ME2: variants seen among roughly 807,000 people sequenced by gnomAD.
ME2 encodes malic enzyme 2, also known as NAD-dependent malic enzyme, mitochondrial.
ME2 carries 60 observed loss-of-function variants against 73.7 expected under a neutral mutation model. That is an observed-to-expected ratio of 0.81 (90% CI 0.66 to 1.01). The LOEUF (loss-of-function observed/expected upper bound fraction) is 1.01, where lower values mean the gene tolerates loss of function less well. Ranked by LOEUF, ME2 falls within the 50% of genes least tolerant of loss-of-function variation. ME2 has a pLI of 0.00. For missense variants in ME2, 594 were observed against 705.5 expected, an observed-to-expected ratio of 0.84 and a Z score of 1.79; for synonymous variants, 199 against 236.9, an observed-to-expected ratio of 0.84 and a Z score of 1.47.
At chr18:50,919,056 G>A (rs1367989152) in intron 7 of ME2, among the ~76,000 whole-genome samples, 1 of 62,872 alleles carries the variant, frequency 1.6e-5, no homozygotes, top group East Asian at 4.4e-4. Flanking sequence ...TGCCTTCTCC[G>A]TCAGTCAGAT....
At chr18:50,895,194 G>A (rs1916708395) in intron 1 of ME2, among the ~76,000 whole-genome samples, 1 of 151,978 alleles carries the variant, frequency 6.6e-6, no homozygotes, top group Non-Finnish European at 1.5e-5. Context: ...CTTTAAAAAT[G>A]TCCATGTTTA....
intron 4 of ME2, chr18:50,915,922 C>A: frequency 3.1e-6 from 1 of 320,058 alleles, no homozygotes. Context: ...GATGTGGTTA[C>A]ATTTCTTCTT....
At chr18:50,901,212 G>A (rs9675349) in intron 2 of ME2, among the ~76,000 whole-genome samples, 29 of 152,294 alleles carry the variant, frequency 1.9e-4, no homozygotes, top group African/African-American at 6.0e-4. Flanking sequence ...CCGTATTGAG[G>A]TTAAGGGAAT....
Position 50,951,214 on chromosome 18 carries a change from G to GT in ME2, c.*4031dup, listed in dbSNP as rs1918216900. 1 of 152,056 alleles carries GT rather than the reference G, an allele frequency of 6.6e-6. No individual in the cohort carries two copies. Among genetic ancestry groups the GT allele is most frequent in the Admixed American group, 6.6e-5 (1 of 15,250 alleles). 9.4% of individuals were successfully genotyped at this position (152,056 alleles called of 1,614,324 possible). On this transcript the variant is annotated 3_prime_UTR_variant, in exon 16 of 16. Coordinates refer to ENST00000321341, the MANE Select transcript of ME2 (RefSeq NM_002396.5). ...GCCTTATATCCTTTGTCCTTTTTCT[G>GT]TAACTTGTCAGCCTCTGGAGAAATA...
In ME2 at chr18:50,903,787, A is replaced by G. The variant is rs192877955; in HGVS notation, c.109-4276A>G. Among the ~76,000 whole-genome samples, 265 of 152,292 alleles carry G rather than the reference A, an allele frequency of 1.7e-3. 1 individual carries two copies. Among genetic ancestry groups the G allele is most frequent in the African/African-American group, 6.0e-3 (251 of 41,558 alleles). On this transcript the variant is annotated intron_variant, in intron 2 of 15. Transcript: ENST00000321341. The stretch of plus-strand genomic sequence containing the variant: ...AATGAACTGCATAGTTCATTTAAAC[A>G]TACGTTTTAGCCTTTTCCTTTACCC...
intron 6 of ME2, 90 bp from the exon 7 acceptor site, chr18:50,918,020 A>G (rs1446259072): frequency 4.3e-6 from 3 of 701,696 alleles, no homozygotes; most frequent in East Asian, 3.0e-5. Context: ...AAAAAATTGT[A>G]TTAGTAATTT....
intron 1 of ME2, 47 bp from the exon 2 acceptor site, chr18:50,895,762 C>T: frequency 1.7e-6 from 2 of 1,211,226 alleles, no homozygotes; most frequent in Non-Finnish European, 2.4e-6. Context: ...ACATGAAGGC[C>T]TATAATATGA....
intron 2 of ME2, among the ~76,000 whole-genome samples, chr18:50,906,215 G>T (rs987913722): frequency 2.6e-5 from 4 of 152,046 alleles, no homozygotes; most frequent in Admixed American, 6.5e-5. Flanking sequence ...GTTGAAAACT[G>T]GACATTTTAA....
intron 1 of ME2, among the ~76,000 whole-genome samples, chr18:50,884,897 C>A (rs752981729): frequency 6.6e-6 from 1 of 151,860 alleles, no homozygotes; most frequent in Non-Finnish European, 1.5e-5. Context: ...TCTTGTTGCC[C>A]AGGCTGCAGT....
intron 13 of ME2, chr18:50,934,197 T>C (rs559667853): frequency 6.6e-6 from 1 of 152,198 alleles, no homozygotes; most frequent in Non-Finnish European, 1.5e-5. Context: ...ATATACCCAA[T>C]AATAGGATTG....
intron 13 of ME2, among the ~76,000 whole-genome samples, chr18:50,936,536 T>G (rs76210078): frequency 0.017 from 2,614 of 152,186 alleles, 37 homozygotes; most frequent in Middle Eastern, 0.048. Flanking sequence ...AAAATATATA[T>G]AGAGAGAATT....
rs565099466 is a variant in ME2 at position 50,954,129 on chromosome 18, G to C, written c.*6945G>C. The C allele has an allele frequency of 6.6e-6, 1 of 152,170 alleles. No homozygotes were observed. The highest frequency in any genetic ancestry group is 1.5e-5 in the Non-Finnish European group (1 of 68,028). 9.4% of individuals were successfully genotyped at this position (152,170 alleles called of 1,614,324 possible). On this transcript the variant is annotated 3_prime_UTR_variant, in exon 16 of 16. Coordinates refer to ENST00000321341, the MANE Select transcript of ME2 (RefSeq NM_002396.5). ...AGAACATATTATACCAGATTGACTT[G>C]TTAAAAATGGTTCCAAGAATCAGTC...
At chr18:50,943,361 G>A (rs1046021506) in intron 15 of ME2, among the ~76,000 whole-genome samples, 1 of 151,444 alleles carries the variant, frequency 6.6e-6, no homozygotes, top group Non-Finnish European at 1.5e-5. Context: ...GTGCAGCGAC[G>A]TGATCTCAGC....
intron 13 of ME2, among the ~76,000 whole-genome samples, chr18:50,937,369 C>G (rs149541230): frequency 6.6e-6 from 1 of 152,110 alleles, no homozygotes; most frequent in African/African-American, 2.4e-5. Context: ...TAGTTGAGGA[C>G]AGAGGTGCTA....
At chr18:50,895,304 CA>C (rs1247102325) in intron 1 of ME2, among the ~76,000 whole-genome samples, 1 of 152,004 alleles carries the variant, frequency 6.6e-6, no homozygotes, top group Non-Finnish European at 1.5e-5. Context: ...TATTAAATAA[CA>C]GGTTTTCTAA....
In ME2 at chr18:50,908,887, C is replaced by T. The variant is rs188413843; in HGVS notation, c.242+691C>T. Among the ~76,000 whole-genome samples, 1,448 of 152,038 alleles carry T rather than the reference C, an allele frequency of 9.5e-3. 16 individuals are homozygous for T. Among genetic ancestry groups the T allele is most frequent in the Middle Eastern group, 0.021 (6 of 290 alleles). On this transcript the variant is annotated intron_variant, in intron 3 of 15. Transcript: ENST00000321341. Reference sequence around the variant, plus strand: ...AATTCCTGACCTCAGGTGATCCGCCCGCCTCAGCCTCCCAAAGTGCTGGGA... The same window carrying T: ...AATTCCTGACCTCAGGTGATCCGCCTGCCTCAGCCTCCCAAAGTGCTGGGA...
At chr18:50,902,883 A>G (rs547860615) in intron 2 of ME2, among the ~76,000 whole-genome samples, 50 of 152,288 alleles carry the variant, frequency 3.3e-4, no homozygotes, top group Non-Finnish European at 5.6e-4. Flanking sequence ...TTGGATTTGG[A>G]ATTCCAGTGG....
chr18:50,937,452 C>G (rs1225179763), intron 13 of ME2, among the ~76,000 whole-genome samples: 5 of 152,130 alleles, frequency 3.3e-5, no homozygotes, highest in African/African-American at 1.2e-4. Flanking sequence ...CTCATAGCTT[C>G]CAATCATTTT....
chr18:50,934,318 T>A (rs1464546798), intron 13 of ME2: 1 of 152,142 alleles, frequency 6.6e-6, no homozygotes, highest in Non-Finnish European at 1.5e-5. Context: ...AATCCTAACT[T>A]AAATAACAGC....
Sources: gnomAD v4.1 joint callset for allele counts (sites outside exome capture counted in the v4.1 genomes callset) on GRCh38, gnomAD v4.1.1 for gene constraint, MANE v1.5 for transcripts, NCBI Gene and HGNC (gene_info 2026-07-23, HGNC 2026-07-21) for gene names.